The following BACH2 variants were observed in gnomAD, a reference collection of about 807,000 sequenced individuals.
BACH2 encodes the protein transcription regulator protein BACH2.
Under a neutral mutation model 61.8 loss-of-function variants are expected in BACH2, and 5 were observed. The observed-to-expected ratio is 0.08, with a 90% CI of 0.04 to 0.17. The LOEUF is 0.17. Among genes scored for constraint, BACH2 ranks in the 10% least tolerant of loss-of-function variants. The pLI, the probability that BACH2 is intolerant of heterozygous loss-of-function variation, is 1.00. For missense variants in BACH2, 824 were observed against 1,091.1 expected, an observed-to-expected ratio of 0.76 and a Z score of 3.45; for synonymous variants, 446 against 440.1, an observed-to-expected ratio of 1.01 and a Z score of -0.17.
intron 4 of BACH2, among the ~76,000 whole-genome samples, chr6:90,180,227 T>G (rs1208146810): frequency 6.6e-6 from 1 of 152,094 alleles, no homozygotes; most frequent in Non-Finnish European, 1.5e-5. Context: ...ATAAAAACTA[T>G]TATGCACAAA....
chr6:90,078,061 CA>C (rs971910184), intron 5 of BACH2, among the ~76,000 whole-genome samples: 21 of 152,108 alleles, frequency 1.4e-4, no homozygotes, highest in Non-Finnish European at 4.4e-5. Context: ...AAAATAAAAG[CA>C]ACAGCAATTG....
intron 3 of BACH2, among the ~76,000 whole-genome samples, chr6:90,245,825 A>G (rs1770616321): frequency 6.6e-6 from 1 of 152,240 alleles, no homozygotes; most frequent in Non-Finnish European, 1.5e-5. Flanking sequence ...GGATTAAAAT[A>G]TTTGTAACAG....
intron 5 of BACH2, among the ~76,000 whole-genome samples, chr6:90,029,140 G>C (rs1470198886): frequency 6.6e-6 from 1 of 152,030 alleles, no homozygotes; most frequent in Non-Finnish European, 1.5e-5. Context: ...CCTATCTCTG[G>C]AAATAACAAT....
At chr6:90,096,831 G>A (rs1483501188) in intron 4 of BACH2, among the ~76,000 whole-genome samples, 6 of 152,070 alleles carry the variant, frequency 3.9e-5, no homozygotes, top group Non-Finnish European at 7.4e-5. Context: ...TTCCTCACAC[G>A]ATGAGCTCAG....
chr6:89,931,386 T>C lies in BACH2; in HGVS notation c.*1022A>G, dbSNP rs905100499. 1 of 152,786 alleles carries C rather than the reference T, an allele frequency of 6.5e-6. No homozygotes were observed. Among genetic ancestry groups the C allele is most frequent in the Non-Finnish European group, 1.5e-5 (1 of 68,034 alleles). The allele number at this position is 152,786 out of a possible 1,614,324, so 9.5% of individuals were successfully genotyped here. On this transcript the variant is annotated 3_prime_UTR_variant, in exon 9 of 9. Transcript: ENST00000257749. ...GTCTACACATCCTAGGATGAATTCA[T>C]TATTTGGCAAGATTGTTTTTCCTAC...
At chr6:90,103,447 T>G (rs1005295590) in intron 4 of BACH2, among the ~76,000 whole-genome samples, 1 of 152,112 alleles carries the variant, frequency 6.6e-6, no homozygotes, top group African/African-American at 2.4e-5. Flanking sequence ...TCCTGGTATT[T>G]CGGTTTGACA....
intron 6 of BACH2, among the ~76,000 whole-genome samples, chr6:89,996,661 C>A (rs1352306897): frequency 2.6e-5 from 4 of 152,100 alleles, no homozygotes; most frequent in African/African-American, 9.7e-5. Flanking sequence ...AAGTCCTGTC[C>A]ATCCTGTGGG....
rs758145400 is a variant in BACH2, at chr6:89,951,061, T to C, written c.1045A>G (p.Lys349Glu). Reference protein sequence around the residue: ...SCLRSLFSITKSVELSGLPST... With the variant: ...SCLRSLFSITESVELSGLPST... ...GGCAGGCCAGACAGCTCCACACTTT[T>C]CGTTATGCTGAACAGAGACCTTAAG... Residue 349 changes from lysine to glutamate, a missense_variant, in exon 7 of 9, where the codon AAA becomes GAA. Lys to Glu is a moderately conservative substitution (Grantham distance 56). This residue lies in a region of BACH2 where 226 missense variants were observed against 228.5 expected (regional missense o/e 0.99). Transcript: ENST00000257749. This position sits in a 1 kb window ranked among gnomAD's most constrained non-coding sequence, Gnocchi z 6.4. 50 of 1,611,578 alleles carry C rather than the reference T, an allele frequency of 3.1e-5. No individual in the cohort carries two copies. The highest frequency in any genetic ancestry group is 1.6e-4 in the Middle Eastern group (1 of 6,074).
chr6:90,232,948 C>T (rs571207616), intron 3 of BACH2, among the ~76,000 whole-genome samples: 1 of 152,134 alleles, frequency 6.6e-6, no homozygotes, highest in African/African-American at 2.4e-5. Context: ...TACAATAATA[C>T]AGGTGTATTA....
intron 7 of BACH2, among the ~76,000 whole-genome samples, chr6:89,940,715 T>A (rs1441310796): frequency 6.6e-6 from 1 of 152,228 alleles, no homozygotes; most frequent in Non-Finnish European, 1.5e-5. Flanking sequence ...TTTGTGATTT[T>A]AAATTTTCCA....
intron 7 of BACH2, among the ~76,000 whole-genome samples, chr6:89,941,116 G>A (rs943564594): frequency 6.6e-6 from 1 of 152,156 alleles, no homozygotes; most frequent in African/African-American, 2.4e-5. Context: ...GATGCTGCAG[G>A]GTTAAGTCTG....
intron 6 of BACH2, chr6:89,953,031 A>G (rs1389657199): frequency 1.3e-5 from 2 of 152,248 alleles, no homozygotes; most frequent in Non-Finnish European, 2.9e-5. Flanking sequence ...AGCAGCAATC[A>G]TGGGGTCCTT....
In BACH2 at chr6:90,118,758, G is replaced by A. The variant is rs1783504852; in HGVS notation, c.-161-29649C>T. The stretch of plus-strand genomic sequence containing the variant: ...TGATGTCAAAGTGGAATAAACAAAG[G>A]AACATCTGTTATTTGCAGTTATCCA... On this transcript the variant is annotated intron_variant, in intron 4 of 8. Transcript: ENST00000257749. Among the ~76,000 whole-genome samples, 9 of 152,268 alleles carry A rather than the reference G, an allele frequency of 5.9e-5. No individual in the cohort carries two copies. The South Asian group carries it at 1.9e-3, about 32-fold the overall frequency.
intron 4 of BACH2, among the ~76,000 whole-genome samples, chr6:90,180,672 C>G (rs1768126963): frequency 6.6e-6 from 1 of 152,110 alleles, no homozygotes; most frequent in African/African-American, 2.4e-5. Context: ...ATAATGGCCT[C>G]CAGTTCCATC....
chr6:90,167,396 C>A (rs1045919548), intron 4 of BACH2, among the ~76,000 whole-genome samples: 1 of 151,920 alleles, frequency 6.6e-6, no homozygotes, highest in East Asian at 1.9e-4. Context: ...GCTCTTGTTG[C>A]CCAGGCTGGA....
rs555368793 is a variant in BACH2 at position 89,981,252 on chromosome 6, C to T, written c.243+27350G>A. On this transcript the variant is annotated intron_variant, in intron 6 of 8. Transcript: ENST00000257749. ...GTTCAGGTCATTCTCCTGTCTCAGC[C>T]TCCCCAGTAGCCGGGACTACAGGTG... 2.6e-5 allele frequency among the ~76,000 whole-genome samples: 4 copies of T among 152,106 alleles called. No homozygotes were observed. The East Asian group carries it at 7.7e-4, about 29-fold the overall frequency.
At chr6:90,209,811 T>G (rs892686061) in intron 3 of BACH2, among the ~76,000 whole-genome samples, 1 of 152,226 alleles carries the variant, frequency 6.6e-6, no homozygotes, top group Admixed American at 6.5e-5. Flanking sequence ...TCATGTATGT[T>G]GTTTTACAAC....
intron 8 of BACH2, among the ~76,000 whole-genome samples, chr6:89,936,320 CATTT>C (rs1773018483): frequency 6.6e-6 from 1 of 152,122 alleles, no homozygotes; most frequent in Non-Finnish European, 1.5e-5. Context: ...CTCATTCATT[CATTT>C]AGAGATGGGG....
intron 1 of BACH2, among the ~76,000 whole-genome samples, chr6:90,296,042 C>G: frequency 6.6e-6 from 1 of 152,114 alleles, no homozygotes. Context: ...GGGGCCGGGA[C>G]ACCCGGGCCT....
Sources: gnomAD v4.1 joint callset for allele counts (sites outside exome capture counted in the v4.1 genomes callset) on GRCh38, gnomAD v4.1.1 for gene constraint, gnomAD v4.1.1 regional missense constraint, Gnocchi (gnomAD v3.1) non-coding constraint, MANE v1.5 for transcripts, NCBI Gene and HGNC (gene_info 2026-07-23, HGNC 2026-07-21) for gene names.